TECTA: variants seen among roughly 807,000 people sequenced by gnomAD.
TECTA encodes alpha-tectorin.
TECTA carries 128 observed loss-of-function variants against 216.8 expected under a neutral mutation model. The ratio of observed to expected loss-of-function variants is 0.59; its 90% CI spans 0.51 to 0.68. TECTA has a LOEUF of 0.68. TECTA is among the 30% of genes least tolerant of loss of function. TECTA has a pLI of 0.00. For synonymous variants in TECTA, 1,089 were observed against 1,117.1 expected (o/e 0.97, Z 0.50); for missense variants, 2,551 against 2,786.2 (o/e 0.92, Z 1.90).
At chr11:121,175,281 T>C (rs1440438546) in intron 20 of TECTA, among the ~76,000 whole-genome samples, 1 of 151,604 alleles carries the variant, frequency 6.6e-6, no homozygotes, top group Non-Finnish European at 1.5e-5. Context: ...TTAATTGTGA[T>C]GTTAGGGTGT....
chr11:121,125,882 C>G lies in TECTA; in HGVS notation c.1774+10C>G, dbSNP rs1179968299. ...ACCCAGACTGGGTGTGGTAAGCTGG[C>G]ATCCCATCCCCATGACAGGTCTCTC... On this transcript the variant is annotated intron_variant, in intron 8 of 23. Transcript: ENST00000392793. The G allele has an allele frequency of 6.2e-7, 1 of 1,604,276 alleles. No homozygotes were observed. Among genetic ancestry groups the G allele is most frequent in the Admixed American group, 1.7e-5 (1 of 60,012 alleles).
At chr11:121,134,699 C>T (rs1007127389) in intron 10 of TECTA, among the ~76,000 whole-genome samples, 50 of 152,108 alleles carry the variant, frequency 3.3e-4, no homozygotes, top group East Asian at 1.9e-4. Context: ...ACAGGATTGC[C>T]GAGTCTCCCC....
At chr11:121,152,829 C>T in intron 12 of TECTA, 52 bp from the exon 13 acceptor site, 1 of 1,554,132 alleles carries the variant, frequency 6.4e-7, no homozygotes, top group Non-Finnish European at 8.8e-7. Context: ...TGAGAAAACC[C>T]TCCTCGGTGC....
intron 4 of TECTA, among the ~76,000 whole-genome samples, 164 bp from the exon 5 acceptor site, chr11:121,112,908 A>T (rs1338709998): frequency 6.6e-6 from 1 of 152,180 alleles, no homozygotes; most frequent in African/African-American, 2.4e-5. Context: ...TTCCCAACGG[A>T]GGCGAGAACA....
intron 20 of TECTA, among the ~76,000 whole-genome samples, chr11:121,170,447 T>G (rs375719488): frequency 7.9e-5 from 12 of 152,152 alleles, no homozygotes; most frequent in East Asian, 1.9e-4. Context: ...TGTTTGGTTT[T>G]GTTTTGTTTT....
At chr11:121,167,916 C>A in intron 18 of TECTA, 138 bp from the exon 19 acceptor site, 2 of 966,040 alleles carry the variant, frequency 2.1e-6, no homozygotes, top group Non-Finnish European at 3.3e-6. Flanking sequence ...CTAAGGCTAG[C>A]TCCATGCTGA....
intron 1 of TECTA, among the ~76,000 whole-genome samples, chr11:121,102,290 A>G (rs1946353050): frequency 6.6e-6 from 1 of 152,190 alleles, no homozygotes; most frequent in African/African-American, 2.4e-5. Context: ...TGCTGCAGAG[A>G]CACAACCCGG....
At chr11:121,102,920 C>G (rs1946359952) in intron 2 of TECTA, among the ~76,000 whole-genome samples, 191 bp downstream of exon 2, 1 of 152,200 alleles carries the variant, frequency 6.6e-6, no homozygotes, top group Non-Finnish European at 1.5e-5. Flanking sequence ...TATATTCCCA[C>G]TTTTTTCTTA....
intron 22 of TECTA, among the ~76,000 whole-genome samples, chr11:121,189,556 A>C (rs1250800093): frequency 3.3e-5 from 5 of 152,032 alleles, no homozygotes; most frequent in African/African-American, 1.2e-4. Flanking sequence ...TTGTATTTTT[A>C]GTAGAGACGG....
chr11:121,139,689 C>CA (rs58300066), intron 11 of TECTA, among the ~76,000 whole-genome samples: 8,603 of 141,890 alleles, frequency 0.061, 789 homozygotes, highest in African/African-American at 0.2. Context: ...GACTCTGTCT[C>CA]AAAAAAAAAA....
intron 20 of TECTA, among the ~76,000 whole-genome samples, chr11:121,176,897 C>T (rs1947173064): frequency 6.6e-6 from 1 of 151,974 alleles, no homozygotes; most frequent in African/African-American, 2.4e-5. Context: ...TTTCTCTAAA[C>T]TTCCCTTCTT....
At chr11:121,118,900 C>T (rs748863576) in intron 7 of TECTA, among the ~76,000 whole-genome samples, 182 bp downstream of exon 7, 2 of 152,036 alleles carry the variant, frequency 1.3e-5, no homozygotes, top group African/African-American at 4.8e-5. Context: ...TTTATGTGTA[C>T]AAGAGCTATC....
chr11:121,175,208 T>G (rs1212021838), intron 20 of TECTA, among the ~76,000 whole-genome samples: 1 of 151,840 alleles, frequency 6.6e-6, no homozygotes, highest in African/African-American at 2.4e-5. Context: ...TCTGCTCTGA[T>G]TTTAGTTATT....
chr11:121,160,576 G>A (rs756951570), intron 15 of TECTA, among the ~76,000 whole-genome samples, 155 bp downstream of exon 15: 1 of 152,196 alleles, frequency 6.6e-6, no homozygotes, highest in Non-Finnish European at 1.5e-5. Flanking sequence ...CTAAAAATAG[G>A]CACATCAGAG....
At chr11:121,159,208 G>A (rs972969179) in intron 14 of TECTA, among the ~76,000 whole-genome samples, 1 of 152,166 alleles carries the variant, frequency 6.6e-6, no homozygotes, top group African/African-American at 2.4e-5. Flanking sequence ...TTAAAATGAA[G>A]AATCTGAAAT....
In TECTA at chr11:121,143,163, A is replaced by G. The variant is rs117068416; in HGVS notation, c.3544-2392A>G. ...TTTACAAAACGAATGGGTGTTTTGC[A>G]GGGTTTATCTCTTGGGCCTCTTTGC... is the stretch of plus-strand genomic sequence containing the variant. On this transcript the variant is annotated intron_variant, in intron 11 of 23. Transcript: ENST00000392793. Among the ~76,000 whole-genome samples, 1,260 of 152,312 alleles carry G rather than the reference A, an allele frequency of 8.3e-3. 10 individuals carry two copies. The highest frequency in any genetic ancestry group is 0.012 in the Non-Finnish European group (790 of 68,018).
Position 121,166,664 on chromosome 11 carries a change from G to A in TECTA, c.5470G>A (p.Gly1824Ser), listed in dbSNP as rs751680641. The A allele has an allele frequency of 4.3e-6, 7 of 1,614,192 alleles. No homozygotes were observed. Among genetic ancestry groups the A allele is most frequent in the Non-Finnish European group, 5.9e-6 (7 of 1,180,040 alleles). The change falls in exon 18 of 24, where the codon GGT becomes AGT. Residue 1824 changes from glycine (G) to serine (S), a missense_variant. Physicochemically the swap from Gly to Ser is moderately conservative, Grantham distance 56. This residue lies in a region of TECTA where 2,375 missense variants were observed against 2,563.9 expected (regional missense o/e 0.93). Transcript: ENST00000392793. ...SISKCKLFQL[G>S]FEREGVRIND... is the part of the protein sequence containing the mutation. Reference sequence around the variant, plus strand: ...ATCTAAGTGCAAGCTCTTCCAGCTCGGTTTTGAGAGGGAGGGCGTGAGGAT... The same window carrying A: ...ATCTAAGTGCAAGCTCTTCCAGCTCAGTTTTGAGAGGGAGGGCGTGAGGAT...
Position 121,189,181 on chromosome 11 carries a change from C to T in TECTA, c.6250+14C>T. 1 of 1,610,752 alleles carries T rather than the reference C, an allele frequency of 6.2e-7. No homozygotes were observed. The highest frequency in any genetic ancestry group is 1.1e-5 in the South Asian group (1 of 90,936). ...TTAGGAGAAAAAGTATGTATGTTCC[C>T]TAAAACACACCCTAAATTATTAAAA... On this transcript the variant is annotated intron_variant, in intron 22 of 23. Transcript: ENST00000392793.
At chr11:121,111,051 G>A (rs924858829) in intron 4 of TECTA, among the ~76,000 whole-genome samples, 7 of 152,168 alleles carry the variant, frequency 4.6e-5, no homozygotes, top group African/African-American at 1.7e-4. Flanking sequence ...GCTAAACACT[G>A]GGCTTGAGAG....
Sources: allele counts gnomAD v4.1 joint callset (sites outside exome capture counted in the v4.1 genomes callset), GRCh38; gene constraint gnomAD v4.1.1; regional missense constraint gnomAD v4.1.1; transcripts MANE v1.5; gene names NCBI Gene and HGNC (gene_info 2026-07-23, HGNC 2026-07-21).